ZNF404: variants seen among roughly 807,000 people sequenced by gnomAD.
ZNF404 encodes the protein zinc finger protein 404.
A neutral mutation model predicts 7.3 loss-of-function variants in ZNF404; 7 were observed. That is an observed-to-expected ratio of 0.95 (90% CI 0.54 to 1.79). The LOEUF is 1.79. Ranked by LOEUF, ZNF404 falls within the 40% of genes most tolerant of loss-of-function variation. ZNF404 has a pLI of 0.00. For missense variants in ZNF404, 560 were observed against 661.5 expected (o/e 0.85, Z 1.68); for synonymous variants, 191 against 209.9 (o/e 0.91, Z 0.78).
chr19:43,878,820 T>G (rs1461846535), intron 2 of ZNF404, among the ~76,000 whole-genome samples: 3 of 152,196 alleles, frequency 2.0e-5, no homozygotes. Context: ...CTGAGCATTA[T>G]CAAACTGAAA....
chr19:43,875,776 A>T (rs1568436523), intron 2 of ZNF404, among the ~76,000 whole-genome samples: 1 of 152,216 alleles, frequency 6.6e-6, no homozygotes, highest in Non-Finnish European at 1.5e-5. Context: ...GCAATAAAGG[A>T]TAAGTAGCAA....
intron 2 of ZNF404, among the ~76,000 whole-genome samples, chr19:43,877,009 A>G (rs1599746496): frequency 6.6e-6 from 1 of 152,216 alleles, no homozygotes; most frequent in East Asian, 1.9e-4. Context: ...CCTGGATTGA[A>G]TCACGGAATA....
At chr19:43,877,909 G>A (rs1194648976) in intron 2 of ZNF404, among the ~76,000 whole-genome samples, 1 of 150,384 alleles carries the variant, frequency 6.6e-6, no homozygotes, top group Admixed American at 6.7e-5. Flanking sequence ...CAAAGGACAT[G>A]AACTCATCAT....
chr19:43,873,582 C>G lies in ZNF404; in HGVS notation c.632G>C (p.Gly211Ala). The G allele has an allele frequency of 6.2e-7, 1 of 1,613,544 alleles. No homozygotes were observed. Among genetic ancestry groups the G allele is most frequent in the Non-Finnish European group, 8.5e-7 (1 of 1,179,662 alleles). The change falls in exon 3 of 3, where the codon GGT (glycine) becomes GCT (alanine). Residue 211 changes from glycine (G) to alanine (A), a missense_variant. Physicochemically the swap from Gly to Ala is moderately conservative, Grantham distance 60. Transcript: ENST00000587539. ...QLIQHQIIHT[G>A]MKPYECKQCG... ...TTGCTTACATTCATAGGGTTTCATA[C>G]CAGTATGAATTATCTGATGCTGAAT...
chr19:43,880,969 C>G (rs1261145625), intron 1 of ZNF404, among the ~76,000 whole-genome samples: 1 of 152,160 alleles, frequency 6.6e-6, no homozygotes, highest in East Asian at 1.9e-4. Context: ...ACCATATTCA[C>G]AAACTACAAA....
Position 43,873,022 on chromosome 19 carries a change from G to A in ZNF404, c.1192C>T (p.Leu398Phe). The change falls in exon 3 of 3, where the codon CTT (leucine) becomes TTT (phenylalanine). Residue 398 changes from leucine (L) to phenylalanine (F), a missense_variant. Transcript: ENST00000587539. Reference sequence around the variant, plus strand: ...GTATGAATTATCTGATGTTGAATAAGATATGAATGAAGCTTAAAAGTCTTC... The same window carrying A: ...GTATGAATTATCTGATGTTGAATAAAATATGAATGAAGCTTAAAAGTCTTC... ...CGKTFKLHSY[L>F]IQHQIIHTDL... 1 of 1,604,714 alleles carries A rather than the reference G, an allele frequency of 6.2e-7. No homozygotes were observed. Among genetic ancestry groups the A allele is most frequent in the Non-Finnish European group, 8.5e-7 (1 of 1,174,656 alleles).
At chr19:43,875,452 A>G (rs1166903456) in intron 2 of ZNF404, among the ~76,000 whole-genome samples, 1 of 152,174 alleles carries the variant, frequency 6.6e-6, no homozygotes, top group African/African-American at 2.4e-5. Context: ...TTCTACAGAA[A>G]TGCATCTCAG....
rs759418336 is a variant in ZNF404, at chr19:43,872,949, C to A, written c.1265G>T (p.Arg422Leu). ...ECKQCGKAFSRVGDLKTHQSI... is the reference protein window; with the variant it reads ...ECKQCGKAFSLVGDLKTHQSI... ...TTGATGTGTCTTAAGGTCTCCAACA[C>A]GACTGAAGGCTTTCCCACATTGCTT... is the stretch of plus-strand genomic sequence containing the variant. The change falls in exon 3 of 3, where the codon CGT becomes CTT. Residue 422 changes from arginine (R) to leucine (L), a missense_variant. Transcript: ENST00000587539. The surrounding 1 kb of genome is among the most constrained non-coding windows in gnomAD (Gnocchi z 4.4). 17 of 1,606,366 alleles carry A rather than the reference C, an allele frequency of 1.1e-5. No homozygotes were observed. In the African/African-American group the frequency reaches 2.3e-4, roughly 21 times the overall value.
chr19:43,878,454 T>C (rs893021890), intron 2 of ZNF404, among the ~76,000 whole-genome samples: 4 of 151,914 alleles, frequency 2.6e-5, no homozygotes, highest in Admixed American at 2.6e-4. Flanking sequence ...GTAAATTTGT[T>C]TGAGTTCATT....
At chr19:43,875,604 G>T (rs1477047957) in intron 2 of ZNF404, among the ~76,000 whole-genome samples, 1 of 152,198 alleles carries the variant, frequency 6.6e-6, no homozygotes, top group Non-Finnish European at 1.5e-5. Context: ...TTGCAACAAA[G>T]AATATATTGG....
In ZNF404 at chr19:43,873,282, C is replaced by T; in HGVS notation, c.932G>A (p.Ser311Asn). 2 of 1,613,544 alleles carry T rather than the reference C, an allele frequency of 1.2e-6. No individual in the cohort carries two copies. Among genetic ancestry groups the T allele is most frequent in the Non-Finnish European group, 1.7e-6 (2 of 1,179,690 alleles). The change falls in exon 3 of 3, where the codon AGC becomes AAC. Residue 311 changes from serine to asparagine, a missense_variant. Ser to Asn is a conservative substitution (Grantham distance 46). Coordinates refer to ENST00000587539, the MANE Select transcript of ZNF404 (RefSeq NM_001033719.3). ...CEQCEKAFVR[S>N]YLLVEHQRSH... ...TCTTTGATGTTCAACAAGTAGATAGCTGCGAACAAAGGCCTTTTCACATTG... is the reference window on the plus strand; with the variant it reads ...TCTTTGATGTTCAACAAGTAGATAGTTGCGAACAAAGGCCTTTTCACATTG...
At chr19:43,880,695 G>T (rs1971888413) in intron 1 of ZNF404, among the ~76,000 whole-genome samples, 1 of 152,126 alleles carries the variant, frequency 6.6e-6, no homozygotes, top group Non-Finnish European at 1.5e-5. Flanking sequence ...AGTAACAAAT[G>T]AGGTGAAACC....
chr19:43,872,779 T>C lies in ZNF404; in HGVS notation c.1435A>G (p.Ile479Val). The change falls in exon 3 of 3, where the codon ATC becomes GTC. Residue 479 changes from isoleucine (I) to valine (V), a missense_variant. Transcript: ENST00000587539. This position sits in a 1 kb window ranked among gnomAD's most constrained non-coding sequence, Gnocchi z 4.4. Reference protein sequence around the residue: ...CKECKKAFRSISGLSQHKRIH... With the variant: ...CKECKKAFRSVSGLSQHKRIH... ...CTCTTATGTTGAGAAAGACCTGAGATAGAACGAAAGGCCTTCTTACATTCT... is the reference window on the plus strand; with the variant it reads ...CTCTTATGTTGAGAAAGACCTGAGACAGAACGAAAGGCCTTCTTACATTCT... 3 of 1,611,766 alleles carry C rather than the reference T, an allele frequency of 1.9e-6. No homozygotes were observed. Among genetic ancestry groups the C allele is most frequent in the Non-Finnish European group, 2.5e-6 (3 of 1,178,696 alleles).
Position 43,873,007 on chromosome 19 carries a change from T to C in ZNF404, c.1207A>G (p.Ile403Val). Residue 403 changes from isoleucine (I) to valine (V), a missense_variant, in exon 3 of 3, where the codon ATA becomes GTA. Physicochemically the swap from Ile to Val is conservative, Grantham distance 29. Coordinates refer to ENST00000587539, the MANE Select transcript of ZNF404 (RefSeq NM_001033719.3). ...TATGGCTTCAAATCAGTATGAATTA[T>C]CTGATGTTGAATAAGATATGAATGA... is the stretch of plus-strand genomic sequence containing the variant. ...KLHSYLIQHQ[I>V]IHTDLKPYEC... 1 of 1,603,248 alleles carries C rather than the reference T, an allele frequency of 6.2e-7. No homozygotes were observed. The highest frequency in any genetic ancestry group is 8.5e-7 in the Non-Finnish European group (1 of 1,173,748).
intron 2 of ZNF404, among the ~76,000 whole-genome samples, chr19:43,877,669 G>C (rs1372496693): frequency 6.7e-6 from 1 of 148,630 alleles, no homozygotes; most frequent in East Asian, 2.0e-4. Flanking sequence ...TGCCATGCTG[G>C]TGTGCTGCAC....
chr19:43,872,534 G>A lies in ZNF404; in HGVS notation c.*21C>T. On this transcript the variant is annotated 3_prime_UTR_variant, in exon 3 of 3. Transcript: ENST00000587539. This position sits in a 1 kb window ranked among gnomAD's most constrained non-coding sequence, Gnocchi z 4.4. ...AGTGACAACAGTAAAAATGTGCCAT[G>A]GCTAAAGGCTTTCCCTCTCATTACA... is the stretch of plus-strand genomic sequence containing the variant. The A allele has an allele frequency of 6.5e-7, 1 of 1,540,116 alleles. No homozygotes were observed.
chr19:43,883,358 A>T (rs1971912485), intron 1 of ZNF404, among the ~76,000 whole-genome samples: 1 of 152,088 alleles, frequency 6.6e-6, no homozygotes, highest in Non-Finnish European at 1.5e-5. Flanking sequence ...AATGATCCAG[A>T]ACAACCTTGA....
chr19:43,879,983 T>C (rs767474076), intron 2 of ZNF404, 27 bp downstream of exon 2: 2 of 1,612,320 alleles, frequency 1.2e-6, no homozygotes, highest in Non-Finnish European at 1.7e-6. Flanking sequence ...GAGCATATTG[T>C]ACATCATTTT....
intron 1 of ZNF404, among the ~76,000 whole-genome samples, chr19:43,883,104 G>GA (rs975472963): frequency 2.3e-4 from 34 of 144,776 alleles, no homozygotes; most frequent in African/African-American, 6.8e-4. Context: ...CCATCTCAAA[G>GA]AAAAAAAAAA....
Sources: allele counts gnomAD v4.1 joint callset (sites outside exome capture counted in the v4.1 genomes callset), GRCh38; gene constraint gnomAD v4.1.1; non-coding constraint Gnocchi (gnomAD v3.1); transcripts MANE v1.5; gene names NCBI Gene and HGNC (gene_info 2026-07-23, HGNC 2026-07-21).